Variants in PTK7 observed in about 807,000 individuals in gnomAD.
PTK7 encodes the protein inactive tyrosine-protein kinase 7.
PTK7 carries 39 observed loss-of-function variants against 116.6 expected under a neutral mutation model. The observed-to-expected ratio is 0.33, with a 90% CI of 0.26 to 0.44. The LOEUF (loss-of-function observed/expected upper bound fraction) is 0.44. Among genes scored for constraint, PTK7 ranks in the 20% least tolerant of loss-of-function variants. The probability of loss-of-function intolerance (pLI) is 1.00; values close to 1 mark genes in which losing one functional copy is unlikely to be tolerated. For synonymous variants in PTK7, 546 were observed against 563.6 expected, an observed-to-expected ratio of 0.97 and a Z score of 0.44; for missense variants, 1,169 against 1,425.6, an observed-to-expected ratio of 0.82 and a Z score of 2.90.
chr6:43,097,698 A>G (rs1767338076), intron 1 of PTK7, among the ~76,000 whole-genome samples: 1 of 152,204 alleles, frequency 6.6e-6, no homozygotes, highest in Non-Finnish European at 1.5e-5. Context: ...TGATTACTAA[A>G]TATGCCGAGA....
At chr6:43,095,994 G>C (rs1010274868) in intron 1 of PTK7, among the ~76,000 whole-genome samples, 2 of 152,178 alleles carry the variant, frequency 1.3e-5, no homozygotes, top group Non-Finnish European at 2.9e-5. Context: ...CAGTAGTCCT[G>C]AGTTCAGCCA....
chr6:43,108,622 G>A (rs924834053), intron 1 of PTK7, among the ~76,000 whole-genome samples: 7 of 150,928 alleles, frequency 4.6e-5, no homozygotes, highest in Non-Finnish European at 5.9e-5. Context: ...GGCTGGTCTC[G>A]AACTCCTGGC....
chr6:43,113,141 A>G (rs1337958551), intron 1 of PTK7, among the ~76,000 whole-genome samples: 1 of 151,928 alleles, frequency 6.6e-6, no homozygotes, highest in Non-Finnish European at 1.5e-5. Context: ...CAAACAAGGT[A>G]TTTTCCTATG....
intron 1 of PTK7, among the ~76,000 whole-genome samples, chr6:43,122,606 C>CTTTTTTTTT (rs750933412): frequency 8.1e-6 from 1 of 123,808 alleles, no homozygotes; most frequent in African/African-American, 3.2e-5. Context: ...GGGACTGAAT[C>CTTTTTTTTT]TTTTTTTTTT....
intron 1 of PTK7, among the ~76,000 whole-genome samples, chr6:43,109,501 T>A (rs575344354): frequency 6.6e-6 from 1 of 152,304 alleles, no homozygotes; most frequent in East Asian, 1.9e-4. Flanking sequence ...ATAAATTTTT[T>A]AGAACATTAG....
At chr6:43,089,032 C>T (rs147564053) in intron 1 of PTK7, among the ~76,000 whole-genome samples, 7 of 152,254 alleles carry the variant, frequency 4.6e-5, no homozygotes, top group Non-Finnish European at 8.8e-5. Context: ...GATGTGCCCA[C>T]GCTTGGTGCT....
chr6:43,117,569 G>A (rs778001043), intron 1 of PTK7, among the ~76,000 whole-genome samples: 2 of 152,154 alleles, frequency 1.3e-5, no homozygotes, highest in African/African-American at 2.4e-5. Flanking sequence ...CCTTGACTCC[G>A]ATTTCCTTGT....
At chr6:43,084,173 C>T (rs1766530383) in intron 1 of PTK7, among the ~76,000 whole-genome samples, 1 of 152,254 alleles carries the variant, frequency 6.6e-6, no homozygotes, top group Non-Finnish European at 1.5e-5. Flanking sequence ...CTCTGTCACC[C>T]AGGTTGGAGT....
intron 17 of PTK7, among the ~76,000 whole-genome samples, chr6:43,149,639 G>T (rs1394225240): frequency 2.6e-5 from 4 of 152,138 alleles, no homozygotes; most frequent in Non-Finnish European, 4.4e-5. Flanking sequence ...GATCCCTTGG[G>T]CCCAGGAGTG....
intron 7 of PTK7, among the ~76,000 whole-genome samples, chr6:43,134,248 A>G (rs1316465639): frequency 6.6e-6 from 1 of 152,102 alleles, no homozygotes; most frequent in Non-Finnish European, 1.5e-5. Flanking sequence ...CATGTTGGCC[A>G]GGCTAGTCTC....
At chr6:43,102,643 C>T (rs975256753) in intron 1 of PTK7, among the ~76,000 whole-genome samples, 4 of 151,200 alleles carry the variant, frequency 2.6e-5, no homozygotes, top group African/African-American at 9.7e-5. Flanking sequence ...AAAGGTGTCA[C>T]ACAATTCTCT....
At chr6:43,095,969 A>AT (rs921119179) in intron 1 of PTK7, among the ~76,000 whole-genome samples, 24 of 152,306 alleles carry the variant, frequency 1.6e-4, no homozygotes, top group South Asian at 6.2e-4. Context: ...AGCTACACAG[A>AT]TATGTGTAAG....
chr6:43,132,343 T>C, intron 6 of PTK7, 78 bp from the exon 7 acceptor site: 5 of 1,518,346 alleles, frequency 3.3e-6, no homozygotes, highest in Non-Finnish European at 4.4e-6. Flanking sequence ...GGAAAGGGCC[T>C]AGGCTTGCTG....
At chr6:43,124,841 G>A (rs1264922772) in intron 1 of PTK7, among the ~76,000 whole-genome samples, 1 of 152,230 alleles carries the variant, frequency 6.6e-6, no homozygotes, top group African/African-American at 2.4e-5. Flanking sequence ...AGCAGGGGCT[G>A]GGGGCTTGGA....
chr6:43,098,817 G>A (rs1582085682), intron 1 of PTK7, among the ~76,000 whole-genome samples: 1 of 152,138 alleles, frequency 6.6e-6, no homozygotes, highest in Non-Finnish European at 1.5e-5. Flanking sequence ...AGCAAAGACA[G>A]ATATATCAGT....
chr6:43,107,369 C>T (rs770502593), intron 1 of PTK7, among the ~76,000 whole-genome samples: 2 of 152,162 alleles, frequency 1.3e-5, no homozygotes, highest in Non-Finnish European at 2.9e-5. Context: ...GATTTGAAGC[C>T]GGCATCTGTT....
intron 1 of PTK7, among the ~76,000 whole-genome samples, chr6:43,122,724 G>C (rs190788609): frequency 1.3e-5 from 2 of 150,838 alleles, no homozygotes; most frequent in African/African-American, 4.9e-5. Flanking sequence ...CTCCTGTCTC[G>C]GCCGCCCAAG....
At chr6:43,094,940 G>A (rs1767158782) in intron 1 of PTK7, among the ~76,000 whole-genome samples, 1 of 151,830 alleles carries the variant, frequency 6.6e-6, no homozygotes, top group Non-Finnish European at 1.5e-5. Flanking sequence ...AGCTACTTGG[G>A]AGGCTGAGAT....
Position 43,100,445 on chromosome 6 carries a change from CT to C in PTK7, c.79+23887del, listed in dbSNP as rs5875824. On this transcript the variant is annotated intron_variant, in intron 1 of 19. Transcript: ENST00000230419. Reference sequence around the variant, plus strand: ...AAATGATAGACATTACTACTTGTAACTTTTTTTTTAGTCATATTTGAAAAAG... The same window carrying C: ...AAATGATAGACATTACTACTTGTAACTTTTTTTTAGTCATATTTGAAAAAG... Among the ~76,000 whole-genome samples, 888 of 148,550 alleles carry C rather than the reference CT, an allele frequency of 6.0e-3. 3 individuals carry two copies. The highest frequency in any genetic ancestry group is 0.042 in the Middle Eastern group (12 of 286).
Sources: gnomAD v4.1 joint callset for allele counts (sites outside exome capture counted in the v4.1 genomes callset) on GRCh38, gnomAD v4.1.1 for gene constraint, MANE v1.5 for transcripts, NCBI Gene and HGNC (gene_info 2026-07-23, HGNC 2026-07-21) for gene names.